Variants in MARCHF1 observed in about 807,000 individuals in gnomAD.
MARCHF1 encodes E3 ubiquitin-protein ligase MARCHF1.
Under a neutral mutation model 54.2 loss-of-function variants are expected in MARCHF1, and 40 were observed. The observed-to-expected ratio is 0.74, with a 90% CI of 0.57 to 0.96. The LOEUF (loss-of-function observed/expected upper bound fraction) is 0.96. Among genes scored for constraint, MARCHF1 ranks in the 40% least tolerant of loss-of-function variants. MARCHF1 has a pLI of 0.00. For synonymous variants in MARCHF1, 236 were observed against 236.3 expected, an observed-to-expected ratio of 1.00 and a Z score of 0.01; for missense variants, 586 against 656.5, an observed-to-expected ratio of 0.89 and a Z score of 1.17.
At chr4:164,341,703 G>A (rs936220120) in intron 1 of MARCHF1, among the ~76,000 whole-genome samples, 73 of 152,294 alleles carry the variant, frequency 4.8e-4, no homozygotes, top group African/African-American at 1.8e-3. Context: ...AATGCCATTA[G>A]TGAGGGCTCT....
chr4:164,262,321 A>T (rs1733490811), intron 1 of MARCHF1, among the ~76,000 whole-genome samples: 1 of 152,174 alleles, frequency 6.6e-6, no homozygotes, highest in Middle Eastern at 3.4e-3. Flanking sequence ...CTTCTCCATC[A>T]TTTCCCCACA....
chr4:164,344,429 AAT>A (rs1406019115), intron 1 of MARCHF1, among the ~76,000 whole-genome samples: 1 of 151,414 alleles, frequency 6.6e-6, no homozygotes, highest in Non-Finnish European at 1.5e-5. Flanking sequence ...AGAAAATAAG[AAT>A]ATGTGTGTTT....
intron 7 of MARCHF1, among the ~76,000 whole-genome samples, chr4:163,601,839 G>A (rs1370089574): frequency 6.6e-6 from 1 of 151,710 alleles, no homozygotes; most frequent in African/African-American, 2.4e-5. Flanking sequence ...CAGAATACAT[G>A]CTATTTCTAA....
Position 164,376,315 on chromosome 4 carries a change from A to ATGTTTTATC in MARCHF1, c.-323+7546_-323+7554dup, listed in dbSNP as rs1342867602. ...GTAAAGAAAGTATCTCTGAAAATAC[A>ATGTTTTATC]TGTTTTATCTTCTTTCTTTTTTTCT... On this transcript the variant is annotated intron_variant, in intron 1 of 9. Coordinates refer to ENST00000514618, the MANE Select transcript of MARCHF1 (RefSeq NM_001394959.1). 2.0e-5 allele frequency among the ~76,000 whole-genome samples: 3 copies of ATGTTTTATC among 152,294 alleles called. No individual in the cohort carries two copies. In the East Asian group the frequency reaches 5.8e-4, roughly 29 times the overall value.
chr4:163,672,396 T>G (rs1220264689), intron 5 of MARCHF1, among the ~76,000 whole-genome samples: 1 of 152,134 alleles, frequency 6.6e-6, no homozygotes, highest in East Asian at 1.9e-4. Context: ...TGAAGCTCTT[T>G]AAAAGTTCCT....
chr4:163,926,548 A>T (rs1751542365), intron 3 of MARCHF1, among the ~76,000 whole-genome samples: 1 of 151,652 alleles, frequency 6.6e-6, no homozygotes, highest in Non-Finnish European at 1.5e-5. Flanking sequence ...TTTAGTAATT[A>T]TGTCTAATCC....
At chr4:164,021,097 T>TTC (rs1553970563) in intron 2 of MARCHF1, among the ~76,000 whole-genome samples, 13 of 130,416 alleles carry the variant, frequency 1.0e-4, no homozygotes, top group Non-Finnish European at 2.0e-4. Flanking sequence ...TTTTTTTTTT[T>TTC]CCCTGTAGTG....
intron 3 of MARCHF1, 98 bp from the exon 4 acceptor site, chr4:163,854,267 CTAAT>C: frequency 1.1e-6 from 1 of 898,620 alleles, no homozygotes; most frequent in Non-Finnish European, 1.6e-6. Context: ...TAACAAAACA[CTAAT>C]TGAGACTTTT....
At chr4:163,700,419 C>T (rs1003108315) in intron 5 of MARCHF1, among the ~76,000 whole-genome samples, 3 of 151,766 alleles carry the variant, frequency 2.0e-5, no homozygotes, top group African/African-American at 4.8e-5. Context: ...GCAGGAGAAT[C>T]GCTTGAACCC....
At chr4:164,173,509 C>G (rs906622066) in intron 1 of MARCHF1, among the ~76,000 whole-genome samples, 27 of 152,100 alleles carry the variant, frequency 1.8e-4, no homozygotes, top group African/African-American at 6.5e-4. Context: ...CCCTCCAAAT[C>G]CCATGTTGAA....
intron 4 of MARCHF1, among the ~76,000 whole-genome samples, chr4:163,720,511 G>C (rs1266903871): frequency 6.6e-6 from 1 of 152,148 alleles, no homozygotes; most frequent in Non-Finnish European, 1.5e-5. Flanking sequence ...GGCAATGTGG[G>C]CTCTTTTTTG....
chr4:163,543,397 T>G (rs7671852), intron 9 of MARCHF1, among the ~76,000 whole-genome samples: 61,953 of 150,750 alleles, frequency 0.41, 13,980 homozygotes, highest in Admixed American at 0.55. Context: ...GTGAAAGCTG[T>G]GTATCTGGGT....
At chr4:163,897,389 C>T (rs1024382099) in intron 3 of MARCHF1, among the ~76,000 whole-genome samples, 52 of 152,236 alleles carry the variant, frequency 3.4e-4, no homozygotes, top group Non-Finnish European at 3.1e-4. Flanking sequence ...TCCTCTCACC[C>T]TCACATTCCT....
chr4:164,331,327 A>G (rs1363661389), intron 1 of MARCHF1, among the ~76,000 whole-genome samples: 1 of 152,202 alleles, frequency 6.6e-6, no homozygotes, highest in African/African-American at 2.4e-5. Flanking sequence ...TGTATAAGAA[A>G]GAAAAGAAAA....
At chr4:164,002,070 T>C (rs1038585723) in intron 2 of MARCHF1, among the ~76,000 whole-genome samples, 15 of 151,804 alleles carry the variant, frequency 9.9e-5, no homozygotes, top group African/African-American at 3.6e-4. Context: ...AACAAGCCTC[T>C]AAAGGAAGAC....
At chr4:164,249,491 G>C (rs1470708843) in intron 1 of MARCHF1, among the ~76,000 whole-genome samples, 3 of 151,882 alleles carry the variant, frequency 2.0e-5, no homozygotes, top group African/African-American at 2.4e-5. Flanking sequence ...AGGCAAGAAA[G>C]AAAAAGAGAG....
chr4:164,080,041 C>A (rs1279930634), intron 2 of MARCHF1, among the ~76,000 whole-genome samples: 1 of 152,088 alleles, frequency 6.6e-6, no homozygotes, highest in Non-Finnish European at 1.5e-5. Context: ...ATTAAATTGA[C>A]AATGTGCCAA....
At chr4:164,140,635 C>T (rs762505829) in intron 1 of MARCHF1, among the ~76,000 whole-genome samples, 6 of 152,140 alleles carry the variant, frequency 3.9e-5, no homozygotes, top group Admixed American at 6.5e-5. Context: ...GCCAGCTCCT[C>T]GGCTACAGCA....
At position 163,587,584 on chromosome 4, in the gene MARCHF1, A is replaced by T. The variant is rs552237021; in HGVS notation, c.1011-1655T>A. ...TAAATATTATGTACAGAGGGACACA[A>T]AGATGGAAATAAACACTGGAGATTG... On this transcript the variant is annotated intron_variant, in intron 7 of 9. Coordinates refer to ENST00000514618, the MANE Select transcript of MARCHF1 (RefSeq NM_001394959.1). 1.3e-4 allele frequency among the ~76,000 whole-genome samples: 20 copies of T among 152,314 alleles called. 1 individual carries two copies. In the South Asian group the frequency reaches 4.1e-3, roughly 32 times the overall value.
Sources: gnomAD v4.1 joint callset for allele counts (sites outside exome capture counted in the v4.1 genomes callset) on GRCh38, gnomAD v4.1.1 for gene constraint, MANE v1.5 for transcripts, NCBI Gene and HGNC (gene_info 2026-07-23, HGNC 2026-07-21) for gene names.